Variants in IL1RAPL1 observed in about 807,000 individuals in gnomAD.
The protein encoded by IL1RAPL1 is interleukin 1 receptor accessory protein like 1.
In IL1RAPL1, 3 loss-of-function variants were observed where a neutral mutation model predicts 48.4. That is an observed-to-expected ratio of 0.06 (90% CI 0.03 to 0.16). The LOEUF (loss-of-function observed/expected upper bound fraction) is 0.16. Among genes scored for constraint, IL1RAPL1 ranks in the 10% least tolerant of loss-of-function variants. The pLI is 1.00. For missense variants in IL1RAPL1, 349 were observed against 530.6 expected (o/e 0.66, Z 3.36); for synonymous variants, 185 against 187.7 (o/e 0.99, Z 0.12).
intron 6 of IL1RAPL1, among the ~76,000 whole-genome samples, chrX:29,698,664 G>T (rs1253241106): frequency 9.0e-6 from 1 of 111,363 alleles, no homozygotes; most frequent in Non-Finnish European, 1.9e-5. Flanking sequence ...CTTCCCAAAG[G>T]CAACCAGGAT....
intron 5 of IL1RAPL1, among the ~76,000 whole-genome samples, chrX:29,560,259 T>A (rs996391599): frequency 2.7e-5 from 3 of 111,818 alleles, no homozygotes; most frequent in Non-Finnish European, 5.6e-5. Flanking sequence ...AATCTGCTGA[T>A]AGCCTTATAA....
intron 5 of IL1RAPL1, among the ~76,000 whole-genome samples, chrX:29,447,973 A>G (rs1411392136): frequency 8.9e-6 from 1 of 112,074 alleles, no homozygotes; most frequent in East Asian, 2.8e-4. Flanking sequence ...TTTTTGGTAG[A>G]AGAAATTGCA....
At chrX:28,995,368 C>T (rs1307435201) in intron 2 of IL1RAPL1, among the ~76,000 whole-genome samples, 6 of 110,017 alleles carry the variant, frequency 5.5e-5, no homozygotes, top group African/African-American at 1.7e-4. Flanking sequence ...ATTAAGTAAG[C>T]GCTAGGGAGA....
chrX:29,399,542 C>G (rs1027289074), intron 5 of IL1RAPL1, among the ~76,000 whole-genome samples: 1 of 111,517 alleles, frequency 9.0e-6, no homozygotes, highest in African/African-American at 3.3e-5. Flanking sequence ...ACTTTTGGGC[C>G]GGGCACCGTG....
chrX:29,310,148 A>AT (rs1932701678), intron 3 of IL1RAPL1, among the ~76,000 whole-genome samples: 1 of 91,068 alleles, frequency 1.1e-5, no homozygotes, highest in Non-Finnish European at 2.1e-5. Context: ...AAAAAAAAAA[A>AT]CAAAAAAAGG....
chrX:29,649,741 AC>A (rs2042887656), intron 5 of IL1RAPL1, among the ~76,000 whole-genome samples: 1 of 111,338 alleles, frequency 9.0e-6, no homozygotes. Context: ...TCAACATAGT[AC>A]TAGAAATCCT....
intron 5 of IL1RAPL1, among the ~76,000 whole-genome samples, chrX:29,473,850 T>A (rs1934947470): frequency 8.9e-6 from 1 of 111,739 alleles, no homozygotes; most frequent in African/African-American, 3.3e-5. Flanking sequence ...GATCTACAGA[T>A]CCTTTTGAGT....
chrX:29,679,175 C>G (rs1926376849), intron 6 of IL1RAPL1, among the ~76,000 whole-genome samples: 1 of 111,667 alleles, frequency 9.0e-6, no homozygotes, highest in South Asian at 3.8e-4. Flanking sequence ...AACAATACGG[C>G]AGGTCCTAGG....
chrX:28,750,210 C>T (rs1323118450), intron 1 of IL1RAPL1, among the ~76,000 whole-genome samples: 1 of 109,757 alleles, frequency 9.1e-6, no homozygotes, highest in Admixed American at 9.8e-5. Flanking sequence ...CTCAGCCTCC[C>T]GAAGTGCTGG....
chrX:29,927,959 G>T (rs1482176971), intron 8 of IL1RAPL1, among the ~76,000 whole-genome samples: 1 of 99,159 alleles, frequency 1.0e-5, no homozygotes, highest in Non-Finnish European at 2.1e-5. Context: ...AGGAAAGAAG[G>T]AAAGACCATA....
intron 1 of IL1RAPL1, among the ~76,000 whole-genome samples, chrX:28,647,310 T>G (rs1934624663): frequency 8.9e-6 from 1 of 112,112 alleles, no homozygotes; most frequent in Non-Finnish European, 1.9e-5. Context: ...TAATCACTTG[T>G]CTCCTTTTCT....
intron 6 of IL1RAPL1, among the ~76,000 whole-genome samples, chrX:29,855,796 C>T (rs1323354718): frequency 9.1e-6 from 1 of 109,905 alleles, no homozygotes; most frequent in East Asian, 2.9e-4. Flanking sequence ...TCACCTATGC[C>T]TGCTTGTGAA....
At chrX:28,847,107 C>T (rs751898259) in intron 2 of IL1RAPL1, among the ~76,000 whole-genome samples, 5 of 111,566 alleles carry the variant, frequency 4.5e-5, no homozygotes, top group African/African-American at 6.5e-5. Context: ...CCACACCTGA[C>T]CCTTCACATT....
intron 2 of IL1RAPL1, among the ~76,000 whole-genome samples, chrX:29,053,576 TA>T (rs1328646554): frequency 8.9e-6 from 1 of 112,134 alleles, no homozygotes; most frequent in Non-Finnish European, 1.9e-5. Context: ...GTTGAGTTTT[TA>T]ATAATAGCCA....
At chrX:29,269,959 G>A (rs914398264) in intron 2 of IL1RAPL1, among the ~76,000 whole-genome samples, 4 of 110,602 alleles carry the variant, frequency 3.6e-5, no homozygotes, top group African/African-American at 1.3e-4. Context: ...TCACTGACTC[G>A]CTTTCTGCCA....
intron 6 of IL1RAPL1, among the ~76,000 whole-genome samples, chrX:29,717,306 A>G (rs1235917644): frequency 9.0e-6 from 1 of 110,857 alleles, no homozygotes; most frequent in Non-Finnish European, 1.9e-5. Context: ...GACTCTGACA[A>G]TATTATGAAT....
intron 2 of IL1RAPL1, among the ~76,000 whole-genome samples, chrX:29,012,231 G>A (rs1327813331): frequency 8.9e-6 from 1 of 112,459 alleles, no homozygotes; most frequent in Non-Finnish European, 1.9e-5. Context: ...GTACTAAGAT[G>A]GATAAGTCAT....
intron 1 of IL1RAPL1, among the ~76,000 whole-genome samples, chrX:28,730,583 A>G (rs1935742615): frequency 8.9e-6 from 1 of 111,760 alleles, no homozygotes; most frequent in African/African-American, 3.2e-5. Flanking sequence ...CTTGATAATG[A>G]TTTACACTTG....
intron 1 of IL1RAPL1, among the ~76,000 whole-genome samples, chrX:28,676,179 A>G (rs751422850): frequency 6.0e-4 from 67 of 111,630 alleles, no homozygotes; most frequent in Non-Finnish European, 1.2e-3. Flanking sequence ...CTACGATATG[A>G]TCATTTTATT....
Sources: gnomAD v4.1 joint callset for allele counts (sites outside exome capture counted in the v4.1 genomes callset) on GRCh38, gnomAD v4.1.1 for gene constraint, MANE v1.5 for transcripts, NCBI Gene and HGNC (gene_info 2026-07-23, HGNC 2026-07-21) for gene names.